NAV2: variants seen among roughly 807,000 people sequenced by gnomAD.
NAV2 encodes helicase, APC down-regulated 1.
A neutral mutation model predicts 223.2 loss-of-function variants in NAV2; 54 were observed. That is an observed-to-expected ratio of 0.24 (90% CI 0.19 to 0.30). The LOEUF (loss-of-function observed/expected upper bound fraction) is 0.30. NAV2 is among the 10% of genes least tolerant of loss of function. The pLI is 1.00. For missense variants in NAV2, 2,806 were observed against 3,147.5 expected, an observed-to-expected ratio of 0.89 and a Z score of 2.60; for synonymous variants, 1,279 against 1,239.3, an observed-to-expected ratio of 1.03 and a Z score of -0.67.
At chr11:19,628,442 G>C (rs2047238103) in intron 1 of NAV2, among the ~76,000 whole-genome samples, 1 of 152,172 alleles carries the variant, frequency 6.6e-6, no homozygotes. Flanking sequence ...CACTCGTACA[G>C]AGTATATGTT....
intron 1 of NAV2, among the ~76,000 whole-genome samples, chr11:19,705,155 A>C (rs1049410527): frequency 1.3e-5 from 2 of 152,170 alleles, no homozygotes; most frequent in Non-Finnish European, 2.9e-5. Flanking sequence ...TGGGTGGAGA[A>C]TTAAAAATAA....
chr11:19,640,144 G>A (rs1447087385), intron 1 of NAV2, among the ~76,000 whole-genome samples: 2 of 152,156 alleles, frequency 1.3e-5, no homozygotes, highest in African/African-American at 4.8e-5. Context: ...GGGGCTCGAG[G>A]CTTAAGTTAC....
intron 1 of NAV2, among the ~76,000 whole-genome samples, chr11:19,577,800 G>A (rs1213304312): frequency 6.6e-6 from 1 of 152,140 alleles, no homozygotes; most frequent in African/African-American, 2.4e-5. Context: ...GCTGCTTTCT[G>A]TTCCAATGGT....
intron 1 of NAV2, among the ~76,000 whole-genome samples, chr11:19,587,530 T>C (rs1195401541): frequency 6.6e-6 from 1 of 152,184 alleles, no homozygotes; most frequent in Non-Finnish European, 1.5e-5. Context: ...CAGCTCCACA[T>C]TTTTCTCTAA....
chr11:20,117,989 C>T (rs2153732219), intron 37 of NAV2, 144 bp from the exon 38 acceptor site: 1 of 875,286 alleles, frequency 1.1e-6, no homozygotes, highest in East Asian at 2.5e-5. Flanking sequence ...GAAGCCTGGC[C>T]CAAAGTCCAT....
rs2063304753 is a variant in NAV2, at chr11:20,118,353, C to T, written c.*95C>T. The T allele has an allele frequency of 8.4e-6, 12 of 1,434,870 alleles. No individual in the cohort carries two copies. Among genetic ancestry groups the T allele is most frequent in the South Asian group, 1.2e-5 (1 of 81,214 alleles). 88.9% of individuals were successfully genotyped at this position (1,434,870 alleles called of 1,614,324 possible). On this transcript the variant is annotated 3_prime_UTR_variant, in exon 38 of 38. Transcript: ENST00000349880. ...GAAGATGACTTCCTGAGCCAGCCCC[C>T]AGCCACAGCCTTAGAGCTGCGGGAA...
chr11:19,917,263 C>T (rs1232714168), intron 6 of NAV2, among the ~76,000 whole-genome samples: 1 of 152,190 alleles, frequency 6.6e-6, no homozygotes, highest in Non-Finnish European at 1.5e-5. Flanking sequence ...ACAAGAAGCC[C>T]ACCTCCTTGC....
chr11:19,779,296 G>T (rs946592903), intron 1 of NAV2, among the ~76,000 whole-genome samples: 1 of 152,194 alleles, frequency 6.6e-6, no homozygotes, highest in Non-Finnish European at 1.5e-5. Context: ...TTTCTGTCCC[G>T]TGTATCCCAC....
intron 11 of NAV2, among the ~76,000 whole-genome samples, chr11:20,017,255 C>T (rs1037312827): frequency 2.6e-5 from 4 of 152,166 alleles, no homozygotes; most frequent in African/African-American, 4.8e-5. Flanking sequence ...TCCCCACACC[C>T]GCTTACTAAG....
At chr11:19,890,002 G>A (rs191889702) in intron 5 of NAV2, among the ~76,000 whole-genome samples, 64 of 152,274 alleles carry the variant, frequency 4.2e-4, no homozygotes, top group Admixed American at 1.1e-3. Context: ...GCCATAGCAT[G>A]TTTCTTTTAT....
chr11:20,121,435 CT>C lies in NAV2; in HGVS notation c.*3178del, dbSNP rs2063466176. On this transcript the variant is annotated 3_prime_UTR_variant, in exon 38 of 38. Transcript: ENST00000349880. ...CATCCTCCCTCCCCTTCCTCCTCCC[CT>C]CCTCTCTCTCTCTTCCTACCTATTT... is the stretch of plus-strand genomic sequence containing the variant. The C allele has an allele frequency of 6.6e-6, 1 of 152,576 alleles. No homozygotes were observed. The highest frequency in any genetic ancestry group is 2.4e-5 in the African/African-American group (1 of 41,424). The allele number at this position is 152,576 out of a possible 1,614,324, so 9.5% of individuals were successfully genotyped here. A position where few individuals can be genotyped will look rare whatever the true frequency, so the allele number is the denominator to read the frequency against.
intron 5 of NAV2, among the ~76,000 whole-genome samples, chr11:19,884,911 T>C (rs1465089400): frequency 2.0e-5 from 3 of 152,184 alleles, no homozygotes; most frequent in Non-Finnish European, 4.4e-5. Context: ...GTCTCGTCTT[T>C]GTTTCTGGAT....
intron 1 of NAV2, among the ~76,000 whole-genome samples, chr11:19,804,792 G>A (rs1301264629): frequency 6.6e-6 from 1 of 152,214 alleles, no homozygotes; most frequent in African/African-American, 2.4e-5. Context: ...GATAAGACAT[G>A]TAAGAAACTG....
At chr11:19,832,366 C>T in intron 1 of NAV2, 118 bp from the exon 2 acceptor site, 1 of 734,654 alleles carries the variant, frequency 1.4e-6, no homozygotes. Context: ...ATGGTGCTGG[C>T]TGGCCCTGAA....
intron 1 of NAV2, among the ~76,000 whole-genome samples, chr11:19,673,237 C>T (rs1429493817): frequency 1.3e-5 from 2 of 152,118 alleles, no homozygotes; most frequent in Non-Finnish European, 2.9e-5. Context: ...GCTAGAGATG[C>T]TACATTGAGT....
intron 6 of NAV2, among the ~76,000 whole-genome samples, chr11:19,912,565 G>A (rs188015254): frequency 6.6e-6 from 1 of 152,232 alleles, no homozygotes; most frequent in African/African-American, 2.4e-5. Flanking sequence ...ATGAAGGAAT[G>A]CATTCTTTAG....
Position 19,933,840 on chromosome 11 carries a change from G to A in NAV2, c.1596G>A (p.Met532Ile). 6.2e-7 allele frequency: 1 copy of A among 1,607,682 alleles called. No homozygotes were observed. The highest frequency in any genetic ancestry group is 8.5e-7 in the Non-Finnish European group (1 of 1,178,212). Residue 532 changes from methionine (M) to isoleucine (I), a missense_variant, in exon 7 of 38, where the codon ATG becomes ATA. Transcript: ENST00000349880. This position sits in a 1 kb window ranked among gnomAD's most constrained non-coding sequence, Gnocchi z 4.3. ...CCAGTGGAGCAGCTGTGCCCGAGATGCCAAAAAAGTCCTCCAAGATTGCCA... is the reference window on the plus strand; with the variant it reads ...CCAGTGGAGCAGCTGTGCCCGAGATACCAAAAAAGTCCTCCAAGATTGCCA... ...EDPSGAAVPE[M>I]PKKSSKIASF... is the part of the protein sequence containing the mutation.
chr11:19,469,033 T>TAA (rs1240794377), intron 1 of NAV2, among the ~76,000 whole-genome samples: 1 of 152,194 alleles, frequency 6.6e-6, no homozygotes, highest in Non-Finnish European at 1.5e-5. Flanking sequence ...TTAAATGAGA[T>TAA]AATTCGTGGA....
At chr11:20,056,422 A>G in intron 19 of NAV2, 2 of 787,280 alleles carry the variant, frequency 2.5e-6, no homozygotes, top group Non-Finnish European at 4.3e-6. Context: ...TCCTTTCTCA[A>G]GCACTGGGTT....
Sources: gnomAD v4.1 joint callset for allele counts (sites outside exome capture counted in the v4.1 genomes callset) on GRCh38, gnomAD v4.1.1 for gene constraint, Gnocchi (gnomAD v3.1) non-coding constraint, MANE v1.5 for transcripts, NCBI Gene and HGNC (gene_info 2026-07-23, HGNC 2026-07-21) for gene names.